Variants in RBFOX1 observed in about 807,000 individuals in gnomAD.
RBFOX1 encodes RNA binding protein fox-1 homolog 1.
Under a neutral mutation model 57.7 loss-of-function variants are expected in RBFOX1, and 8 were observed. That is an observed-to-expected ratio of 0.14 (90% CI 0.08 to 0.25). The LOEUF is 0.25. Among genes scored for constraint, RBFOX1 ranks in the 10% least tolerant of loss-of-function variants. The probability of loss-of-function intolerance (pLI) is 1.00; values close to 1 mark genes in which losing one functional copy is unlikely to be tolerated. For missense variants in RBFOX1, 611 were observed against 548.5 expected (o/e 1.11, Z -1.14); for synonymous variants, 326 against 222.4 (o/e 1.47, Z -4.15).
intron 3 of RBFOX1, among the ~76,000 whole-genome samples, chr16:5,827,871 GTCCATCCATCCATCCATCCATCCA>G (rs58720656): frequency 1.1e-4 from 14 of 128,230 alleles, no homozygotes; most frequent in Non-Finnish European, 1.9e-4. Context: ...CCAGGCTTTT[GTCCATCCATCCATCCATCCATCCA>G]TCCATCCATC....
chr16:5,579,071 C>T (rs2046570373), intron 2 of RBFOX1, among the ~76,000 whole-genome samples: 1 of 152,060 alleles, frequency 6.6e-6, no homozygotes, highest in African/African-American at 2.4e-5. Context: ...TGGTCTGGAA[C>T]TCCTGACCTC....
chr16:5,762,433 A>C (rs902348946), intron 3 of RBFOX1, among the ~76,000 whole-genome samples: 2 of 151,918 alleles, frequency 1.3e-5, no homozygotes, highest in African/African-American at 4.8e-5. Context: ...GTCTCATACC[A>C]GGCTGGTAGA....
At chr16:7,312,944 CACTGATGTCTGGGAG>C (rs2096351117) in intron 4 of RBFOX1, among the ~76,000 whole-genome samples, 1 of 151,988 alleles carries the variant, frequency 6.6e-6, no homozygotes, top group Non-Finnish European at 1.5e-5. Context: ...GGGTGCTTGG[CACTGATGTCTGGGAG>C]GGTACCCTAG....
intron 2 of RBFOX1, among the ~76,000 whole-genome samples, chr16:6,632,773 A>G (rs922254297): frequency 6.6e-6 from 1 of 152,218 alleles, no homozygotes; most frequent in African/African-American, 2.4e-5. Flanking sequence ...TCAAAGAGTG[A>G]CTTAGGCTGA....
chr16:6,784,099 A>G (rs879200592), intron 3 of RBFOX1, among the ~76,000 whole-genome samples: 2 of 151,866 alleles, frequency 1.3e-5, no homozygotes, highest in African/African-American at 2.4e-5. Flanking sequence ...GAATTTGATT[A>G]TTGTATACCT....
At chr16:5,615,736 A>T (rs1181734893) in intron 3 of RBFOX1, among the ~76,000 whole-genome samples, 1 of 152,220 alleles carries the variant, frequency 6.6e-6, no homozygotes, top group African/African-American at 2.4e-5. Flanking sequence ...GCCTGGATCA[A>T]CTTGGGGGAC....
At chr16:7,067,311 A>G (rs2056302447) in intron 4 of RBFOX1, among the ~76,000 whole-genome samples, 1 of 152,206 alleles carries the variant, frequency 6.6e-6, no homozygotes, top group East Asian at 1.9e-4. Flanking sequence ...ATTACCACAA[A>G]AAAAATAGTG....
At chr16:5,905,592 C>T (rs560538792) in intron 4 of RBFOX1, among the ~76,000 whole-genome samples, 1 of 152,100 alleles carries the variant, frequency 6.6e-6, no homozygotes, top group Non-Finnish European at 1.5e-5. Flanking sequence ...ACACATCTGC[C>T]GTCATGGCTG....
chr16:6,235,932 C>T (rs2097502451), intron 1 of RBFOX1, among the ~76,000 whole-genome samples: 1 of 151,848 alleles, frequency 6.6e-6, no homozygotes, highest in African/African-American at 2.4e-5. Flanking sequence ...GATGGGTGCC[C>T]CAAAATCTCA....
chr16:5,700,505 C>A (rs574018267), intron 3 of RBFOX1, among the ~76,000 whole-genome samples: 19 of 152,076 alleles, frequency 1.2e-4, no homozygotes, highest in Non-Finnish European at 2.8e-4. Context: ...ATAATATTTT[C>A]TTCTATGTCA....
At chr16:5,792,261 C>G (rs1179236905) in intron 3 of RBFOX1, among the ~76,000 whole-genome samples, 1 of 152,158 alleles carries the variant, frequency 6.6e-6, no homozygotes, top group Non-Finnish European at 1.5e-5. Context: ...TATTCCTGTT[C>G]CAGCCCTCTG....
chr16:5,624,348 C>T (rs2048285240), intron 3 of RBFOX1, among the ~76,000 whole-genome samples: 1 of 152,210 alleles, frequency 6.6e-6, no homozygotes, highest in African/African-American at 2.4e-5. Context: ...GCACCTACTA[C>T]CGTGCCCAAC....
chr16:7,193,892 G>A (rs528066257), intron 4 of RBFOX1, among the ~76,000 whole-genome samples: 9 of 151,958 alleles, frequency 5.9e-5, no homozygotes, highest in African/African-American at 2.2e-4. Context: ...TTGGAGAGTT[G>A]ACTGGAAGGA....
At chr16:5,421,815 T>C (rs994513942) in intron 1 of RBFOX1, among the ~76,000 whole-genome samples, 1 of 152,096 alleles carries the variant, frequency 6.6e-6, no homozygotes, top group African/African-American at 2.4e-5. Context: ...GAAAAATGGA[T>C]ATGGAGAGGC....
intron 4 of RBFOX1, among the ~76,000 whole-genome samples, chr16:5,920,662 C>T (rs553752187): frequency 7.2e-5 from 11 of 152,146 alleles, no homozygotes; most frequent in South Asian, 6.2e-4. Context: ...AGTGGGGCAG[C>T]GGGGAGACCA....
chr16:6,762,972 A>T (rs960395074), intron 3 of RBFOX1, among the ~76,000 whole-genome samples: 2 of 152,202 alleles, frequency 1.3e-5, no homozygotes, highest in Non-Finnish European at 2.9e-5. Context: ...AGATAGAGGA[A>T]TACAGCAAAG....
intron 3 of RBFOX1, among the ~76,000 whole-genome samples, chr16:5,773,817 C>T (rs1253328615): frequency 6.6e-6 from 1 of 152,164 alleles, no homozygotes; most frequent in Non-Finnish European, 1.5e-5. Context: ...ACTGCCTCAA[C>T]CTCCTGAGTA....
At chr16:6,890,041 T>C (rs371636894) in intron 3 of RBFOX1, among the ~76,000 whole-genome samples, 3 of 152,242 alleles carry the variant, frequency 2.0e-5, no homozygotes, top group Non-Finnish European at 2.9e-5. Context: ...GTCCCACTTA[T>C]ACTAGAAGTT....
intron 3 of RBFOX1, among the ~76,000 whole-genome samples, chr16:6,728,281 G>A (rs1008032965): frequency 6.6e-6 from 1 of 152,152 alleles, no homozygotes; most frequent in African/African-American, 2.4e-5. Context: ...TCAGCTTGGG[G>A]AAATACAAGG....
Sources: gnomAD v4.1 joint callset for allele counts (sites outside exome capture counted in the v4.1 genomes callset) on GRCh38, gnomAD v4.1.1 for gene constraint, MANE v1.5 for transcripts, NCBI Gene and HGNC (gene_info 2026-07-23, HGNC 2026-07-21) for gene names.